The following TRHDE variants were observed in gnomAD, a reference collection of about 807,000 sequenced individuals.
TRHDE encodes thyrotropin releasing hormone degrading enzyme.
In TRHDE, 72 loss-of-function variants were observed where a neutral mutation model predicts 125.7. The observed-to-expected ratio is 0.57, with a 90% CI of 0.47 to 0.70. The LOEUF is 0.70. TRHDE is among the 30% of genes least tolerant of loss of function. The pLI is 0.00. For missense variants in TRHDE, 1,110 were observed against 1,327.1 expected (o/e 0.84, Z 2.54); for synonymous variants, 509 against 509.1 (o/e 1.00, Z 0.00).
At chr12:72,639,751 G>A (rs571089841) in intron 15 of TRHDE, among the ~76,000 whole-genome samples, 349 of 152,198 alleles carry the variant, frequency 2.3e-3, no homozygotes, top group African/African-American at 7.7e-3. Context: ...GTCTGTTGGA[G>A]TACCCGGCCG....
At position 72,621,601 on chromosome 12, in the gene TRHDE, C is replaced by T. The variant is rs1555202881; in HGVS notation, c.2568-43C>T. ...ATCTACTATTTAGGGAATGAATTTC[C>T]CTAACTTTCTTTTTAATTTGTTTCC... On this transcript the variant is annotated intron_variant, in intron 14 of 18. Coordinates refer to ENST00000261180, the MANE Select transcript of TRHDE (RefSeq NM_013381.3). 6 of 1,435,078 alleles carry T rather than the reference C, an allele frequency of 4.2e-6. No individual in the cohort carries two copies. In the Admixed American group the frequency reaches 7.7e-5, roughly 19 times the overall value. The allele number at this position is 1,435,078 out of a possible 1,614,324, so 88.9% of individuals were successfully genotyped here.
Position 72,668,731 on chromosome 12 carries a change from A to C in TRHDE, c.*5536A>C, listed in dbSNP as rs572085546. ...AACCCTGTGAAATGTCATTAGCTCT[A>C]ATTCACCAAAGAGTAGATGGAGGCA... On this transcript the variant is annotated 3_prime_UTR_variant, in exon 19 of 19. Transcript: ENST00000261180. The C allele has an allele frequency of 6.6e-6, 1 of 151,822 alleles. No homozygotes were observed. The highest frequency in any genetic ancestry group is 6.6e-5 in the Admixed American group (1 of 15,200). The allele number at this position is 151,822 out of a possible 1,614,324, so 9.4% of individuals were successfully genotyped here.
At chr12:72,428,406 A>G (rs1357012249) in intron 3 of TRHDE, among the ~76,000 whole-genome samples, 1 of 152,064 alleles carries the variant, frequency 6.6e-6, no homozygotes, top group Non-Finnish European at 1.5e-5. Flanking sequence ...CTGTGGGTGT[A>G]TATGTATATA....
intron 6 of TRHDE, 29 bp from the exon 7 acceptor site, chr12:72,542,262 T>C (rs761315613): frequency 1.3e-6 from 2 of 1,531,756 alleles, no homozygotes; most frequent in Non-Finnish European, 1.8e-6. Context: ...TTGTTGAAAT[T>C]CTGTTCTTTT....
intron 2 of TRHDE, among the ~76,000 whole-genome samples, chr12:72,197,236 AG>A (rs1378406461): frequency 6.6e-6 from 1 of 152,004 alleles, no homozygotes; most frequent in African/African-American, 2.4e-5. Context: ...CACTTCCTTC[AG>A]GTCTTTGCTC....
intron 12 of TRHDE, 21 bp downstream of exon 12, chr12:72,575,563 C>T: frequency 6.2e-7 from 1 of 1,612,226 alleles, no homozygotes; most frequent in Non-Finnish European, 8.5e-7. Flanking sequence ...CTGTGGATCT[C>T]CCCAATAAAA....
At chr12:72,334,919 C>G (rs1565702693) in intron 2 of TRHDE, among the ~76,000 whole-genome samples, 1 of 152,162 alleles carries the variant, frequency 6.6e-6, no homozygotes, top group African/African-American at 2.4e-5. Flanking sequence ...AGCATGGCAA[C>G]TAACAGTGGA....
At chr12:72,558,462 G>T (rs1268145261) in intron 7 of TRHDE, among the ~76,000 whole-genome samples, 1 of 152,294 alleles carries the variant, frequency 6.6e-6, no homozygotes, top group East Asian at 1.9e-4. Flanking sequence ...GGAGCAACAA[G>T]TTAACAAATG....
intron 12 of TRHDE, among the ~76,000 whole-genome samples, chr12:72,616,237 C>A (rs1423050568): frequency 6.6e-6 from 1 of 151,988 alleles, no homozygotes; most frequent in Non-Finnish European, 1.5e-5. Flanking sequence ...CTTATAAAAC[C>A]TAGATCCATG....
chr12:72,176,944 A>G (rs1207055103), intron 2 of TRHDE, among the ~76,000 whole-genome samples: 44 of 152,144 alleles, frequency 2.9e-4, no homozygotes, highest in Non-Finnish European at 2.9e-5. Flanking sequence ...GAAAATAAAA[A>G]GTTTTTTTTG....
At chr12:72,546,623 C>G (rs888580974) in intron 7 of TRHDE, among the ~76,000 whole-genome samples, 1 of 151,526 alleles carries the variant, frequency 6.6e-6, no homozygotes, top group Admixed American at 6.6e-5. Context: ...GGTCTACAAT[C>G]ACTTCTGGTA....
chr12:72,599,054 G>T (rs1482673084), intron 12 of TRHDE, among the ~76,000 whole-genome samples: 1 of 151,992 alleles, frequency 6.6e-6, no homozygotes, highest in Non-Finnish European at 1.5e-5. Flanking sequence ...TGCTGGAAAG[G>T]ACATGACTTT....
chr12:72,367,928 G>A (rs140303449), intron 2 of TRHDE, among the ~76,000 whole-genome samples: 1 of 152,140 alleles, frequency 6.6e-6, no homozygotes, highest in Non-Finnish European at 1.5e-5. Flanking sequence ...AAGTCAGAAG[G>A]TTTATTTAAC....
At chr12:72,260,134 A>AT (rs35687369) in intron 2 of TRHDE, among the ~76,000 whole-genome samples, 1 of 152,112 alleles carries the variant, frequency 6.6e-6, no homozygotes, top group Non-Finnish European at 1.5e-5. Context: ...CAGTTTAGGA[A>AT]TTTTTTTCAA....
chr12:72,147,053 A>G (rs561550382), intron 2 of TRHDE, among the ~76,000 whole-genome samples: 2 of 151,804 alleles, frequency 1.3e-5, no homozygotes, highest in East Asian at 3.9e-4. Context: ...TCTCTGCTGC[A>G]TCATTCCGCC....
chr12:72,618,998 A>G lies in TRHDE; in HGVS notation c.2429A>G (p.Asp810Gly). Residue 810 changes from aspartate (D) to glycine (G), a missense_variant, in exon 13 of 19, where the codon GAT (aspartate) becomes GGT (glycine). By Grantham distance (94) the Asp-to-Gly change is moderately conservative. Coordinates refer to ENST00000261180, the MANE Select transcript of TRHDE (RefSeq NM_013381.3). Reference protein sequence around the residue: ...HAASRALYPLDKLLDRMENYN... With the variant: ...HAASRALYPLGKLLDRMENYN... ...GCCAGCCGAGCTCTTTATCCTCTAG[A>G]TAAATTACTGGACCGCATGGAAAAC... The G allele has an allele frequency of 6.3e-7, 1 of 1,593,488 alleles. No homozygotes were observed. The highest frequency in any genetic ancestry group is 8.5e-7 in the Non-Finnish European group (1 of 1,170,910).
At chr12:72,449,914 A>G (rs1565746205) in intron 3 of TRHDE, among the ~76,000 whole-genome samples, 1 of 151,692 alleles carries the variant, frequency 6.6e-6, no homozygotes, top group Non-Finnish European at 1.5e-5. Context: ...TTCTCCTTCT[A>G]GTTTCCTGGA....
At chr12:72,128,849 G>A (rs773786534) in intron 2 of TRHDE, among the ~76,000 whole-genome samples, 15 of 152,038 alleles carry the variant, frequency 9.9e-5, no homozygotes, top group Non-Finnish European at 2.1e-4. Context: ...ACAGGGGTGG[G>A]GGAAATAGAA....
chr12:72,297,007 C>T (rs1195138788), intron 2 of TRHDE, among the ~76,000 whole-genome samples: 1 of 152,084 alleles, frequency 6.6e-6, no homozygotes, highest in Non-Finnish European at 1.5e-5. Flanking sequence ...CAAGAGCTAC[C>T]TGATGTTAAT....
Sources: gnomAD v4.1 joint callset for allele counts (sites outside exome capture counted in the v4.1 genomes callset) on GRCh38, gnomAD v4.1.1 for gene constraint, MANE v1.5 for transcripts, NCBI Gene and HGNC (gene_info 2026-07-23, HGNC 2026-07-21) for gene names.